The following GRB2 variants were observed in gnomAD, a reference collection of about 807,000 sequenced individuals.
The protein encoded by GRB2 is growth factor receptor-bound protein 2.
In GRB2, 2 loss-of-function variants were observed where a neutral mutation model predicts 27.4. The ratio of observed to expected loss-of-function variants is 0.07; its 90% confidence interval spans 0.03 to 0.23. GRB2 has a LOEUF of 0.23. GRB2 is among the 10% of genes least tolerant of loss of function. The pLI is 1.00. For synonymous variants in GRB2, 94 were observed against 99.6 expected (o/e 0.94, Z 0.33); for missense variants, 102 against 282.4 (o/e 0.36, Z 4.58).
intron 2 of GRB2, among the ~76,000 whole-genome samples, chr17:75,340,310 T>C (rs1293694109): frequency 2.0e-5 from 3 of 152,228 alleles, no homozygotes; most frequent in Non-Finnish European, 2.9e-5. Context: ...ACACCATTTA[T>C]AGTTGGTCCC....
At chr17:75,331,286 A>G (rs1167989409) in intron 3 of GRB2, among the ~76,000 whole-genome samples, 48 of 152,216 alleles carry the variant, frequency 3.2e-4, no homozygotes, top group Admixed American at 3.1e-3. Context: ...GAGTCTGCAA[A>G]TAACAACACA....
intron 2 of GRB2, among the ~76,000 whole-genome samples, chr17:75,387,012 T>C (rs1394351484): frequency 2.8e-5 from 2 of 70,408 alleles, no homozygotes; most frequent in East Asian, 7.7e-4. Context: ...CACACAAAAA[T>C]TAGCTGGGTG....
At chr17:75,401,616 G>A (rs980127353) in intron 1 of GRB2, among the ~76,000 whole-genome samples, 9 of 152,122 alleles carry the variant, frequency 5.9e-5, no homozygotes, top group African/African-American at 1.4e-4. Context: ...GCTTACTGAC[G>A]CTCTGGAGTT....
intron 2 of GRB2, among the ~76,000 whole-genome samples, chr17:75,382,734 A>C (rs1374172649): frequency 1.3e-5 from 2 of 152,066 alleles, no homozygotes; most frequent in African/African-American, 4.8e-5. Context: ...TTTTAGACGG[A>C]GTCTTGTGCT....
rs553830983 is a variant in GRB2, at chr17:75,357,648, C to G, written c.79-24851G>C. On this transcript the variant is annotated intron_variant, in intron 2 of 5. Coordinates refer to ENST00000316804, the MANE Select transcript of GRB2 (RefSeq NM_002086.5). ...GCTTAAAACTGAGGCAGGCCAGGAG[C>G]AGTGGTGCACGTCTGTAATCCTAGC... is the stretch of plus-strand genomic sequence containing the variant. 5.3e-5 allele frequency among the ~76,000 whole-genome samples: 8 copies of G among 152,300 alleles called. No homozygotes were observed. In the South Asian group the frequency reaches 1.2e-3, roughly 24 times the overall value.
chr17:75,381,966 T>A (rs1407330794), intron 2 of GRB2, among the ~76,000 whole-genome samples: 1 of 151,530 alleles, frequency 6.6e-6, no homozygotes, highest in Non-Finnish European at 1.5e-5. Flanking sequence ...CCTGGGTTCC[T>A]GTAATCCCAG....
chr17:75,332,719 T>G lies in GRB2; in HGVS notation c.157A>C (p.Ile53Leu). 6.2e-7 allele frequency: 1 copy of G among 1,606,010 alleles called. No individual in the cohort carries two copies. Among genetic ancestry groups the G allele is most frequent in the Non-Finnish European group, 8.5e-7 (1 of 1,173,218 alleles). Residue 53 changes from isoleucine to leucine, a missense_variant, in exon 3 of 6, where the codon ATA becomes CTA. Coordinates refer to ENST00000316804, the MANE Select transcript of GRB2 (RefSeq NM_002086.5). ...GKDGFIPKNY[I>L]EMKPHPWFFG... ...ACTTACGGATGTGGTTTCATTTCTA[T>G]GTAGTTCTTGGGAATGAAGCCGTCT... is the stretch of plus-strand genomic sequence containing the variant.
chr17:75,341,090 T>C (rs947780599), intron 2 of GRB2, among the ~76,000 whole-genome samples: 2 of 152,130 alleles, frequency 1.3e-5, no homozygotes, highest in African/African-American at 4.8e-5. Context: ...GTACTTGGCT[T>C]TTAACAACCA....
chr17:75,377,657 A>C (rs1215762745), intron 2 of GRB2, among the ~76,000 whole-genome samples: 1 of 149,518 alleles, frequency 6.7e-6, no homozygotes, highest in Non-Finnish European at 1.5e-5. Flanking sequence ...CTGTAATCCC[A>C]GTACTTTGGG....
chr17:75,352,736 G>A (rs904721886), intron 2 of GRB2, among the ~76,000 whole-genome samples: 1 of 152,068 alleles, frequency 6.6e-6, no homozygotes, highest in African/African-American at 2.4e-5. Context: ...TTAATGTCAC[G>A]GATGTCTATG....
chr17:75,358,198 T>C (rs1598236188), intron 2 of GRB2, among the ~76,000 whole-genome samples: 1 of 152,164 alleles, frequency 6.6e-6, no homozygotes, highest in Non-Finnish European at 1.5e-5. Context: ...CACACAAGTA[T>C]AGAGGAAGAA....
intron 2 of GRB2, among the ~76,000 whole-genome samples, chr17:75,383,460 A>C (rs188224290): frequency 6.6e-6 from 1 of 152,300 alleles, no homozygotes; most frequent in Admixed American, 6.5e-5. Flanking sequence ...ATCTGGACTA[A>C]TCACCTCTTA....
chr17:75,393,589 C>G lies in GRB2; in HGVS notation c.40G>C (p.Asp14His). ...IAKYDFKATA[D>H]DELSFKRGDI... is the part of the protein sequence containing the mutation. ...CCCCTTTTGAAGCTCAGCTCGTCGT[C>G]TGCAGTAGCTTTGAAGTCATATTTG... The change falls in exon 2 of 6, where the codon GAC becomes CAC. Residue 14 changes from aspartate (D) to histidine (H), a missense_variant. By Grantham distance (81) the Asp-to-His change is moderately conservative. Transcript: ENST00000316804. 1 of 1,614,214 alleles carries G rather than the reference C, an allele frequency of 6.2e-7. No individual in the cohort carries two copies. The highest frequency in any genetic ancestry group is 8.5e-7 in the Non-Finnish European group (1 of 1,180,010).
intron 2 of GRB2, among the ~76,000 whole-genome samples, chr17:75,355,545 G>GAA (rs367781708): frequency 4.6e-5 from 6 of 129,682 alleles, no homozygotes; most frequent in African/African-American, 1.1e-4. Flanking sequence ...GGCCATACTG[G>GAA]AAAAAAAAAA....
At chr17:75,372,969 A>G (rs1362493860) in intron 2 of GRB2, 1 of 152,254 alleles carries the variant, frequency 6.6e-6, no homozygotes, top group Non-Finnish European at 1.5e-5. Context: ...GGCTGGGCGC[A>G]GTAACTCATG....
chr17:75,362,948 A>C (rs1277018113), intron 2 of GRB2, among the ~76,000 whole-genome samples: 1 of 152,222 alleles, frequency 6.6e-6, no homozygotes, highest in African/African-American at 2.4e-5. Context: ...AAGCCTAGGG[A>C]ATGGAAAGGA....
chr17:75,388,189 C>T (rs976928792), intron 2 of GRB2, among the ~76,000 whole-genome samples: 2 of 151,972 alleles, frequency 1.3e-5, no homozygotes, highest in Non-Finnish European at 2.9e-5. Context: ...CTCCACATCC[C>T]GGGTTCAAGC....
chr17:75,365,070 T>C (rs1833668931), intron 2 of GRB2, among the ~76,000 whole-genome samples: 1 of 152,186 alleles, frequency 6.6e-6, no homozygotes, highest in African/African-American at 2.4e-5. Context: ...AATCTTGTAC[T>C]GGCCACCTTT....
At chr17:75,369,196 T>C (rs755968) in intron 2 of GRB2, among the ~76,000 whole-genome samples, 139 of 152,318 alleles carry the variant, frequency 9.1e-4, no homozygotes, top group Middle Eastern at 3.4e-3. Flanking sequence ...AGCTTTGGTA[T>C]ATAAAAAGAA....
Sources: gnomAD v4.1 joint callset for allele counts (sites outside exome capture counted in the v4.1 genomes callset) on GRCh38, gnomAD v4.1.1 for gene constraint, MANE v1.5 for transcripts, NCBI Gene and HGNC (gene_info 2026-07-23, HGNC 2026-07-21) for gene names.